The following PLA2R1 variants were observed in gnomAD, a reference collection of about 807,000 sequenced individuals.
PLA2R1 encodes secretory phospholipase A2 receptor.
Under a neutral mutation model 195.9 loss-of-function variants are expected in PLA2R1, and 158 were observed. The ratio of observed to expected loss-of-function variants is 0.81; its 90% CI spans 0.71 to 0.92. PLA2R1 has a LOEUF of 0.92. PLA2R1 is among the 40% of genes least tolerant of loss of function. PLA2R1 has a pLI of 0.00. For missense variants in PLA2R1, 1,626 were observed against 1,764.6 expected, an observed-to-expected ratio of 0.92 and a Z score of 1.41; for synonymous variants, 586 against 598.2, an observed-to-expected ratio of 0.98 and a Z score of 0.30.
At chr2:160,048,722 G>A (rs886260935) in intron 1 of PLA2R1, among the ~76,000 whole-genome samples, 1 of 151,950 alleles carries the variant, frequency 6.6e-6, no homozygotes, top group Non-Finnish European at 1.5e-5. Flanking sequence ...CACTGATTAA[G>A]TGATTAATGA....
chr2:160,034,544 C>T (rs10196882), intron 3 of PLA2R1, among the ~76,000 whole-genome samples: 21,382 of 152,212 alleles, frequency 0.14, 1,642 homozygotes, highest in East Asian at 0.23. Context: ...TATACTACTA[C>T]GTGTTACGAG....
chr2:159,930,352 G>A (rs1215056965), downstream of PLA2R1, among the ~76,000 whole-genome samples: 7 of 151,308 alleles, frequency 4.6e-5, no homozygotes, highest in East Asian at 9.8e-4. Flanking sequence ...AGCTTGCAGT[G>A]AGCAGGGATT....
intron 28 of PLA2R1, 40 bp from the exon 29 acceptor site, chr2:159,942,199 T>C: frequency 6.7e-7 from 1 of 1,499,468 alleles, no homozygotes; most frequent in East Asian, 2.3e-5. Flanking sequence ...GTTTTTCTTT[T>C]AATTCAGCAA....
At chr2:160,040,400 T>C (rs1364012998) in intron 3 of PLA2R1, among the ~76,000 whole-genome samples, 2 of 152,160 alleles carry the variant, frequency 1.3e-5, no homozygotes, top group Non-Finnish European at 2.9e-5. Flanking sequence ...CAATAGCCCA[T>C]ACCATATTGG....
At chr2:159,956,414 T>A in intron 21 of PLA2R1, 96 bp downstream of exon 21, 1 of 741,044 alleles carries the variant, frequency 1.3e-6, no homozygotes, top group Non-Finnish European at 2.5e-6. Flanking sequence ...ATTTTAAATG[T>A]TGATTTGGGA....
At chr2:159,978,867 G>T (rs1689753627) in intron 14 of PLA2R1, among the ~76,000 whole-genome samples, 1 of 152,114 alleles carries the variant, frequency 6.6e-6, no homozygotes. Context: ...CTACTTCAAA[G>T]TTTGGCTACT....
Position 160,030,363 on chromosome 2 carries a change from C to T in PLA2R1, c.842-1400G>A, listed in dbSNP as rs535925025. On this transcript the variant is annotated intron_variant, in intron 4 of 29. Coordinates refer to ENST00000283243, the MANE Select transcript of PLA2R1 (RefSeq NM_007366.5). ...GATTATTCCTTTCAATAGCACCATT[C>T]GATTGAATCGTTTAGCAGGTCTTAT... 5.9e-5 allele frequency among the ~76,000 whole-genome samples: 9 copies of T among 152,242 alleles called. No homozygotes were observed. In the South Asian group the frequency reaches 6.2e-4, roughly 11 times the overall value.
In PLA2R1 at chr2:159,969,066, A is replaced by T. The variant is rs187591836; in HGVS notation, c.2764+190T>A. On this transcript the variant is annotated intron_variant, in intron 19 of 29. Coordinates refer to ENST00000283243, the MANE Select transcript of PLA2R1 (RefSeq NM_007366.5). ...TATTCAGATGTAAATTATTTCCAAG[A>T]ACATGAATGCATGGATTGAACAGAA... is the stretch of plus-strand genomic sequence containing the variant. Among the ~76,000 whole-genome samples the T allele has an allele frequency of 1.6e-4, 25 of 152,336 alleles. No individual in the cohort carries two copies. In the East Asian group the frequency reaches 4.4e-3, roughly 27 times the overall value.
intron 26 of PLA2R1, 110 bp from the exon 27 acceptor site, chr2:159,947,027 T>G (rs1486307291): frequency 1.4e-6 from 1 of 723,398 alleles, no homozygotes. Flanking sequence ...AAAGTGAAAA[T>G]TTCCATTATA....
At chr2:160,050,442 CTT>C (rs905238253) in intron 1 of PLA2R1, among the ~76,000 whole-genome samples, 1 of 150,784 alleles carries the variant, frequency 6.6e-6, no homozygotes, top group African/African-American at 2.4e-5. Flanking sequence ...CACTCTTTCA[CTT>C]TTTTTTTTCC....
rs754659076 is a variant in PLA2R1, at chr2:159,935,431, C to G, written c.*6347G>C. On this transcript the variant is annotated 3_prime_UTR_variant, in exon 30 of 30. Coordinates refer to ENST00000283243, the MANE Select transcript of PLA2R1 (RefSeq NM_007366.5). ...AATTGGAATTTACTGGGGAGAAGAA[C>G]TGTTTCTTCTTTTCATTCATTCATT... The G allele has an allele frequency of 6.6e-6, 1 of 152,182 alleles. No homozygotes were observed. Among genetic ancestry groups the G allele is most frequent in the Non-Finnish European group, 1.5e-5 (1 of 68,024 alleles). 9.4% of individuals were successfully genotyped at this position (152,182 alleles called of 1,614,324 possible).
intron 18 of PLA2R1, 37 bp downstream of exon 18, chr2:159,970,111 C>T: frequency 5.0e-6 from 7 of 1,388,846 alleles, no homozygotes; most frequent in Non-Finnish European, 7.1e-6. Flanking sequence ...TAAAACCTGT[C>T]AAACAAAATT....
intron 9 of PLA2R1, among the ~76,000 whole-genome samples, chr2:160,013,895 C>T (rs1253160387): frequency 6.6e-6 from 1 of 152,022 alleles, no homozygotes; most frequent in Non-Finnish European, 1.5e-5. Flanking sequence ...ATAGTTTTTT[C>T]ATCTATACGA....
chr2:160,062,246 A>G (rs922243237), intron 1 of PLA2R1, 49 bp downstream of exon 1: 32 of 827,510 alleles, frequency 3.9e-5, no homozygotes, highest in Middle Eastern at 4.1e-4. Flanking sequence ...GACCACCCCG[A>G]CCCCCCTCCC....
Position 160,020,224 on chromosome 2 carries a change from T to G in PLA2R1, c.1334A>C (p.Lys445Thr), listed in dbSNP as rs1199408476. Residue 445 changes from lysine to threonine, a missense_variant, in exon 8 of 30, where the codon AAA becomes ACA. Coordinates refer to ENST00000283243, the MANE Select transcript of PLA2R1 (RefSeq NM_007366.5). ...SETWIGLSSN[K>T]IPVSFEWSND... ...AGACCATTCAAAGGAAACTGGAATT[T>G]TATTGCTGCTCAAACCAATCCATGT... is the stretch of plus-strand genomic sequence containing the variant. The G allele has an allele frequency of 6.2e-7, 1 of 1,611,698 alleles. No individual in the cohort carries two copies. The highest frequency in any genetic ancestry group is 1.7e-5 in the Admixed American group (1 of 59,966).
rs1298241949 is a variant in PLA2R1 at position 159,949,776 on chromosome 2, T to G, written c.3541A>C (p.Asn1181His). The change falls in exon 25 of 30, where the codon AAT (asparagine) becomes CAT (histidine). Residue 1181 changes from asparagine to histidine, a missense_variant and splice_region_variant. Coordinates refer to ENST00000283243, the MANE Select transcript of PLA2R1 (RefSeq NM_007366.5). Reference protein sequence around the residue: ...AHWIGLFTTDNGLNFDWSDGT... With the variant: ...AHWIGLFTTDHGLNFDWSDGT... ...TCAGACCAGTCAAAATTAAGACCAT[T>G]CTGTGGAGGAAAACTGAGCCATCAT... 1 of 1,612,760 alleles carries G rather than the reference T, an allele frequency of 6.2e-7. No individual in the cohort carries two copies. Among genetic ancestry groups the G allele is most frequent in the Admixed American group, 1.7e-5 (1 of 59,984 alleles).
At chr2:159,969,561 G>C (rs922761881) in intron 18 of PLA2R1, among the ~76,000 whole-genome samples, 8 of 151,672 alleles carry the variant, frequency 5.3e-5, no homozygotes, top group African/African-American at 1.9e-4. Context: ...GATTTTTTTT[G>C]AGATGGAGTC....
rs1686728221 is a variant in PLA2R1, at chr2:159,934,592, C to A, written c.*7186G>T. 1 of 152,114 alleles carries A rather than the reference C, an allele frequency of 6.6e-6. No individual in the cohort carries two copies. The highest frequency in any genetic ancestry group is 2.4e-5 in the African/African-American group (1 of 41,400). 9.4% of individuals were successfully genotyped at this position (152,114 alleles called of 1,614,324 possible). A position where few individuals can be genotyped will look rare whatever the true frequency, so the allele number is the denominator to read the frequency against. Reference sequence around the variant, plus strand: ...TTTTTTATAATTAGGATGCAATTTTCAGAATATTATAAATAACAACATGTA... The same window carrying A: ...TTTTTTATAATTAGGATGCAATTTTAAGAATATTATAAATAACAACATGTA... On this transcript the variant is annotated 3_prime_UTR_variant, in exon 30 of 30. Coordinates refer to ENST00000283243, the MANE Select transcript of PLA2R1 (RefSeq NM_007366.5).
intron 28 of PLA2R1, among the ~76,000 whole-genome samples, chr2:159,942,877 T>C (rs1687162138): frequency 6.6e-6 from 1 of 152,148 alleles, no homozygotes; most frequent in Non-Finnish European, 1.5e-5. Context: ...AGAACTGCCT[T>C]GATGTCCTAC....
Sources: allele counts gnomAD v4.1 joint callset (sites outside exome capture counted in the v4.1 genomes callset), GRCh38; gene constraint gnomAD v4.1.1; transcripts MANE v1.5; gene names NCBI Gene and HGNC (gene_info 2026-07-23, HGNC 2026-07-21).